Variants in SPAG17 observed in about 807,000 individuals in gnomAD.
The protein encoded by SPAG17 is sperm-associated antigen 17.
Under a neutral mutation model 273.6 loss-of-function variants are expected in SPAG17, and 169 were observed. The ratio of observed to expected loss-of-function variants is 0.62; its 90% CI spans 0.55 to 0.70. SPAG17 has a LOEUF of 0.70. SPAG17 is among the 30% of genes least tolerant of loss of function. The pLI is 0.00. For synonymous variants in SPAG17, 825 were observed against 873.2 expected, an observed-to-expected ratio of 0.94 and a Z score of 0.97; for missense variants, 2,557 against 2,627.8, an observed-to-expected ratio of 0.97 and a Z score of 0.59.
At chr1:117,967,610 TAATG>T (rs919547408) in intron 46 of SPAG17, among the ~76,000 whole-genome samples, 4 of 152,124 alleles carry the variant, frequency 2.6e-5, no homozygotes, top group African/African-American at 9.7e-5. Context: ...ATGCATAAAA[TAATG>T]AAACCAGTAG....
At chr1:118,168,028 C>T (rs1326475487) in intron 1 of SPAG17, among the ~76,000 whole-genome samples, 1 of 152,154 alleles carries the variant, frequency 6.6e-6, no homozygotes, top group African/African-American at 2.4e-5. Context: ...CTGAGGCCTC[C>T]CCAGAAGCAG....
intron 4 of SPAG17, among the ~76,000 whole-genome samples, chr1:118,102,972 C>T (rs557129020): frequency 1.3e-5 from 2 of 152,314 alleles, no homozygotes; most frequent in African/African-American, 4.8e-5. Context: ...AACTGCCACC[C>T]TTTGTACCTG....
intron 28 of SPAG17, among the ~76,000 whole-genome samples, chr1:118,021,043 G>C (rs1660451153): frequency 6.6e-6 from 1 of 151,984 alleles, no homozygotes; most frequent in Non-Finnish European, 1.5e-5. Flanking sequence ...TCAGAACTTT[G>C]AAAATTAACC....
intron 48 of SPAG17, chr1:117,955,400 A>C: frequency 6.3e-7 from 1 of 1,581,032 alleles, no homozygotes; most frequent in African/African-American, 1.3e-5. Context: ...TCTGTCAGCA[A>C]ACATTTATGA....
In SPAG17 at chr1:117,973,388, A is replaced by G. The variant is rs745437220; in HGVS notation, c.6141+37T>C. 3.8e-6 allele frequency: 6 copies of G among 1,599,170 alleles called. No individual in the cohort carries two copies. In the South Asian group the frequency reaches 6.8e-5, roughly 18 times the overall value. ...AAATAAAGAATTCCATCAAATGCTGATTGGCTGTGGGGAATTTGTTCCAAT... is the reference window on the plus strand; with the variant it reads ...AAATAAAGAATTCCATCAAATGCTGGTTGGCTGTGGGGAATTTGTTCCAAT... On this transcript the variant is annotated intron_variant, in intron 44 of 48. Coordinates refer to ENST00000336338, the MANE Select transcript of SPAG17 (RefSeq NM_206996.4).
chr1:117,994,063 G>A (rs1464984613), intron 35 of SPAG17, among the ~76,000 whole-genome samples: 1 of 152,142 alleles, frequency 6.6e-6, no homozygotes, highest in Non-Finnish European at 1.5e-5. Context: ...AGAAATGATA[G>A]AAGGAAAGAT....
Position 117,994,434 on chromosome 1 carries a change from CT to C in SPAG17, c.5149del (p.Arg1717GlyfsTer33). 6.2e-7 allele frequency: 1 copy of C among 1,612,510 alleles called. No individual in the cohort carries two copies. The highest frequency in any genetic ancestry group is 8.5e-7 in the Non-Finnish European group (1 of 1,179,074). On this transcript the variant is annotated frameshift_variant, in exon 35 of 49. Coordinates refer to ENST00000336338, the MANE Select transcript of SPAG17 (RefSeq NM_206996.4). LOFTEE classifies it high-confidence loss of function. ...AACTGAGGGAAATGTTTCCCATGAC[CT>C]TGACCGGAGATTAGGAGGGACAATT... ...DTIVPPNLRS[R>X]SWETFPSVEK...
rs1185570465 is a variant in SPAG17, at chr1:117,963,844, G to A, written c.6627C>T (p.Ser2209=). The A allele has an allele frequency of 6.2e-7, 1 of 1,613,784 alleles. No individual in the cohort carries two copies. Among genetic ancestry groups the A allele is most frequent in the Admixed American group, 1.7e-5 (1 of 60,014 alleles). Residue 2209 remains serine, a synonymous_variant, in exon 48 of 49, where the codon TCC becomes TCT. Coordinates refer to ENST00000336338, the MANE Select transcript of SPAG17 (RefSeq NM_206996.4). ...GAGACATGAAGACTCCAAGTGTGGA[G>A]GAATAAATTGTAGAAGTTCTCTGGA... The part of the protein sequence containing the change: ...PMVQRTSTIY[S]STLGVFMSRK...
intron 25 of SPAG17, 146 bp from the exon 26 acceptor site, chr1:118,028,540 G>T: frequency 2.2e-6 from 2 of 902,426 alleles, no homozygotes; most frequent in Non-Finnish European, 3.2e-6. Flanking sequence ...GAGTCTCTGT[G>T]GTTTTGCAAT....
At chr1:118,086,373 T>C (rs896853920) in intron 12 of SPAG17, among the ~76,000 whole-genome samples, 12 of 152,324 alleles carry the variant, frequency 7.9e-5, no homozygotes, top group Admixed American at 7.8e-4. Context: ...TACTAGTTTT[T>C]CATAGCAGCA....
intron 3 of SPAG17, among the ~76,000 whole-genome samples, chr1:118,148,821 C>G (rs1476377293): frequency 6.6e-6 from 1 of 152,210 alleles, no homozygotes; most frequent in Non-Finnish European, 1.5e-5. Context: ...AACTACCATG[C>G]AGCTCTGCAG....
chr1:118,146,753 G>A (rs1659016104), intron 3 of SPAG17, among the ~76,000 whole-genome samples: 1 of 152,134 alleles, frequency 6.6e-6, no homozygotes, highest in South Asian at 2.1e-4. Flanking sequence ...TTTACCTTTG[G>A]TTAAATCCAA....
intron 3 of SPAG17, among the ~76,000 whole-genome samples, chr1:118,125,741 T>C (rs529098444): frequency 3.5e-4 from 54 of 152,350 alleles, no homozygotes; most frequent in African/African-American, 1.2e-3. Flanking sequence ...TTCCATTTTG[T>C]ATAAATAACA....
At chr1:118,129,389 C>T (rs915164136) in intron 3 of SPAG17, among the ~76,000 whole-genome samples, 9 of 152,164 alleles carry the variant, frequency 5.9e-5, no homozygotes, top group South Asian at 2.1e-4. Flanking sequence ...TTGTTAGAAA[C>T]GTAACTCTTG....
chr1:118,098,194 A>G (rs2102211002), intron 6 of SPAG17, among the ~76,000 whole-genome samples: 1 of 152,216 alleles, frequency 6.6e-6, no homozygotes, highest in East Asian at 1.9e-4. Context: ...TTTTTCTGCC[A>G]TATCACTTTT....
chr1:118,052,701 AAT>A (rs1346538790), intron 20 of SPAG17, among the ~76,000 whole-genome samples: 2 of 152,022 alleles, frequency 1.3e-5, no homozygotes, highest in African/African-American at 2.4e-5. Flanking sequence ...AAGTAATAAA[AAT>A]ATGTTTTTAA....
intron 3 of SPAG17, among the ~76,000 whole-genome samples, chr1:118,150,240 A>G (rs1236197628): frequency 1.3e-5 from 2 of 152,234 alleles, no homozygotes; most frequent in African/African-American, 2.4e-5. Context: ...ATCATGAGAA[A>G]GTATGACCCA....
At chr1:117,961,946 T>C (rs1388442555) in intron 48 of SPAG17, 1 of 152,030 alleles carries the variant, frequency 6.6e-6, no homozygotes, top group Non-Finnish European at 1.5e-5. Context: ...CAGAAGTTGA[T>C]TCAATATCCT....
At chr1:117,988,248 A>G in intron 38 of SPAG17, 44 bp from the exon 39 acceptor site, 1 of 1,376,556 alleles carries the variant, frequency 7.3e-7, no homozygotes, top group Non-Finnish European at 9.9e-7. Context: ...ACTTCTTTAT[A>G]GGGCAACACA....
Sources: gnomAD v4.1 joint callset for allele counts (sites outside exome capture counted in the v4.1 genomes callset) on GRCh38, gnomAD v4.1.1 for gene constraint, MANE v1.5 for transcripts, NCBI Gene and HGNC (gene_info 2026-07-23, HGNC 2026-07-21) for gene names.